GARNL3: variants seen among roughly 807,000 people sequenced by gnomAD.
The protein encoded by GARNL3 is GTPase activating Rap/RanGAP domain like 3.
In GARNL3, 63 loss-of-function variants were observed where a neutral mutation model predicts 125.0. The ratio of observed to expected loss-of-function variants is 0.50; its 90% CI spans 0.41 to 0.62. GARNL3 has a LOEUF of 0.62. GARNL3 is among the 20% of genes least tolerant of loss of function. The probability of loss-of-function intolerance (pLI) is 0.00; values close to 1 mark genes in which losing one functional copy is unlikely to be tolerated. For missense variants in GARNL3, 994 were observed against 1,244.0 expected (o/e 0.80, Z 3.02); for synonymous variants, 439 against 457.5 (o/e 0.96, Z 0.52).
intron 2 of GARNL3, among the ~76,000 whole-genome samples, chr9:127,292,162 G>A (rs911892264): frequency 6.6e-6 from 1 of 152,234 alleles, no homozygotes; most frequent in South Asian, 2.1e-4. Context: ...CATTTGGGAA[G>A]TGATTGCATG....
At chr9:127,326,653 A>G (rs987070987) in intron 7 of GARNL3, among the ~76,000 whole-genome samples, 12 of 152,170 alleles carry the variant, frequency 7.9e-5, no homozygotes, top group African/African-American at 2.9e-4. Flanking sequence ...AGTGAGATAG[A>G]GTACTATGGT....
rs753508509 is a variant in GARNL3 at position 127,390,644 on chromosome 9, T to C, written c.2747T>C (p.Leu916Pro). The stretch of plus-strand genomic sequence containing the variant: ...TGACCTATGATTCTCAATCCAGGCC[T>C]CTCGGATGAAGGTGGACCCAAGTCA... Reference protein sequence around the residue: ...ASRTRRELLGLSDEGGPKSEG... With the variant: ...ASRTRRELLGPSDEGGPKSEG... Residue 916 changes from leucine to proline, a missense_variant, in exon 27 of 28, where the codon CTC (leucine) becomes CCC (proline). By Grantham distance (98) the Leu-to-Pro change is moderately conservative. Coordinates refer to ENST00000373387, the MANE Select transcript of GARNL3 (RefSeq NM_032293.5). 1.1e-5 allele frequency: 18 copies of C among 1,613,728 alleles called. No individual in the cohort carries two copies. The highest frequency in any genetic ancestry group is 4.4e-5 in the South Asian group (4 of 91,080).
intron 22 of GARNL3, among the ~76,000 whole-genome samples, chr9:127,374,792 G>A (rs1831801071): frequency 6.6e-6 from 1 of 151,840 alleles, no homozygotes; most frequent in Admixed American, 6.6e-5. Flanking sequence ...CCACAATGAG[G>A]GCTGGACAAA....
intron 21 of GARNL3, among the ~76,000 whole-genome samples, chr9:127,360,650 C>T (rs1307121352): frequency 6.6e-6 from 1 of 152,206 alleles, no homozygotes; most frequent in Non-Finnish European, 1.5e-5. Flanking sequence ...GCAGTGGGGA[C>T]AGGAGAGAGA....
At chr9:127,357,072 CTT>C in intron 20 of GARNL3, 145 bp from the exon 21 acceptor site, 1 of 712,728 alleles carries the variant, frequency 1.4e-6, no homozygotes, top group Admixed American at 2.7e-5. Context: ...GCACTCCTCT[CTT>C]GTCCCTTCTT....
At chr9:127,318,573 A>G (rs1013001609) in intron 5 of GARNL3, among the ~76,000 whole-genome samples, 7 of 152,212 alleles carry the variant, frequency 4.6e-5, no homozygotes. Context: ...CCCAGATGTC[A>G]GCAAAGAATG....
intron 22 of GARNL3, among the ~76,000 whole-genome samples, chr9:127,374,508 T>C (rs1332451316): frequency 1.3e-5 from 2 of 152,060 alleles, no homozygotes; most frequent in African/African-American, 4.8e-5. Flanking sequence ...AAAAAATTAA[T>C]AAATTGAACT....
intron 21 of GARNL3, among the ~76,000 whole-genome samples, chr9:127,361,356 G>A (rs776719978): frequency 6.6e-6 from 1 of 151,596 alleles, no homozygotes; most frequent in Non-Finnish European, 1.5e-5. Flanking sequence ...ATTCTCCCTC[G>A]TTGGCCTACC....
intron 2 of GARNL3, among the ~76,000 whole-genome samples, chr9:127,254,133 G>A (rs1207886716): frequency 1.3e-5 from 2 of 152,182 alleles, no homozygotes; most frequent in Non-Finnish European, 2.9e-5. Flanking sequence ...CCTATTAAAT[G>A]TATTTTAGTT....
intron 5 of GARNL3, among the ~76,000 whole-genome samples, chr9:127,319,606 T>C (rs1172372147): frequency 1.3e-5 from 2 of 152,248 alleles, no homozygotes; most frequent in Non-Finnish European, 2.9e-5. Context: ...TGATTTTTCT[T>C]CTGAGCAGTT....
intron 1 of GARNL3, among the ~76,000 whole-genome samples, chr9:127,265,892 G>A (rs937424626): frequency 2.0e-5 from 3 of 152,152 alleles, no homozygotes; most frequent in South Asian, 4.1e-4. Context: ...TACCAGTGGC[G>A]TTCTACTTGA....
chr9:127,281,431 C>G (rs191293447), intron 1 of GARNL3, among the ~76,000 whole-genome samples: 17 of 152,252 alleles, frequency 1.1e-4, no homozygotes, highest in Middle Eastern at 3.4e-3. Flanking sequence ...TGGCTCTCCT[C>G]CAGCCAACAT....
At chr9:127,262,140 T>C (rs989607504), upstream of GARNL3, among the ~76,000 whole-genome samples, 8 of 152,304 alleles carry the variant, frequency 5.3e-5, 2 homozygotes, top group South Asian at 1.7e-3. Flanking sequence ...CCTACTACTT[T>C]AGGGTGTTGC....
chr9:127,322,665 G>C (rs923426615), intron 6 of GARNL3, among the ~76,000 whole-genome samples: 1 of 152,144 alleles, frequency 6.6e-6, no homozygotes, highest in African/African-American at 2.4e-5. Context: ...TTTCCCTTAG[G>C]AAGAGTTGAG....
chr9:127,342,553 A>G (rs887539748), intron 14 of GARNL3, among the ~76,000 whole-genome samples: 1 of 152,172 alleles, frequency 6.6e-6, no homozygotes, highest in Non-Finnish European at 1.5e-5. Flanking sequence ...ATTTCCAGAA[A>G]GCCAGGGCCT....
intron 1 of GARNL3, among the ~76,000 whole-genome samples, chr9:127,277,919 G>C (rs1314550759): frequency 6.6e-6 from 1 of 152,106 alleles, no homozygotes; most frequent in Non-Finnish European, 1.5e-5. Flanking sequence ...TTTTTTACCT[G>C]TCCTAGTAGG....
intron 1 of GARNL3, among the ~76,000 whole-genome samples, chr9:127,233,447 T>C (rs759500660): frequency 2.0e-5 from 3 of 152,124 alleles, no homozygotes; most frequent in Non-Finnish European, 2.9e-5. Flanking sequence ...GGAATTGATA[T>C]TGGGTTGGTA....
intron 27 of GARNL3, among the ~76,000 whole-genome samples, chr9:127,391,522 T>TCCAAAAAAAAAAAAAAAAAAAAAA (rs1832836031): frequency 1.8e-5 from 1 of 55,168 alleles, no homozygotes; most frequent in South Asian, 1.1e-3. Context: ...GACCCATCTC[T>TCCAAAAAAAAAAAAAAAAAAAAAA]ACAAAAAAAA....
At chr9:127,243,146 G>A (rs753085008) in exon 2 of GARNL3, 2 of 1,365,820 alleles carry the variant, frequency 1.5e-6, no homozygotes, top group Non-Finnish European at 2.0e-6. Context: ...GAGTCAGATA[G>A]CACAAACCAT....
Sources: allele counts gnomAD v4.1 joint callset (sites outside exome capture counted in the v4.1 genomes callset), GRCh38; gene constraint gnomAD v4.1.1; transcripts MANE v1.5; gene names NCBI Gene and HGNC (gene_info 2026-07-23, HGNC 2026-07-21).